The following UGT2B4 variants were observed in gnomAD, a reference collection of about 807,000 sequenced individuals.
The protein encoded by UGT2B4 is UDP-glucuronosyltransferase 2B4.
In UGT2B4, 49 loss-of-function variants were observed where a neutral mutation model predicts 49.8. The ratio of observed to expected loss-of-function variants is 0.98; its 90% confidence interval spans 0.78 to 1.25. UGT2B4 has a LOEUF of 1.25. UGT2B4 is among the 50% of genes most tolerant of loss of function. The pLI is 0.00. For missense variants in UGT2B4, 729 were observed against 627.7 expected, an observed-to-expected ratio of 1.16 and a Z score of -1.73; for synonymous variants, 246 against 217.7, an observed-to-expected ratio of 1.13 and a Z score of -1.14.
intron 1 of UGT2B4, among the ~76,000 whole-genome samples, chr4:69,515,907 T>A (rs1350457432): frequency 1.3e-5 from 2 of 152,292 alleles, no homozygotes; most frequent in Admixed American, 1.3e-4. Flanking sequence ...CAGGGAAACA[T>A]GTACCATAGT....
At chr4:69,489,646 A>G in intron 2 of UGT2B4, 76 bp from the exon 3 acceptor site, 1 of 1,534,820 alleles carries the variant, frequency 6.5e-7, no homozygotes, top group Non-Finnish European at 8.8e-7. Flanking sequence ...TGTTATAAAA[A>G]GAGAGAAAAT....
chr4:69,498,399 T>A (rs1222578499), upstream of UGT2B4, among the ~76,000 whole-genome samples: 1 of 152,096 alleles, frequency 6.6e-6, no homozygotes, highest in African/African-American at 2.4e-5. Context: ...ATACAGCACC[T>A]TCAGCTGAAA....
At chr4:69,502,290 A>G (rs939763903) in intron 1 of UGT2B4, among the ~76,000 whole-genome samples, 1 of 151,614 alleles carries the variant, frequency 6.6e-6, no homozygotes, top group Non-Finnish European at 1.5e-5. Flanking sequence ...ATAGGTAAAT[A>G]TGTGCCATGG....
intron 1 of UGT2B4, among the ~76,000 whole-genome samples, chr4:69,509,072 G>A (rs1173573195): frequency 6.6e-6 from 1 of 151,880 alleles, no homozygotes; most frequent in African/African-American, 2.4e-5. Context: ...GTGGAAGCAT[G>A]CAGTGTTTGC....
At chr4:69,481,369 G>T (rs1364633319) in intron 5 of UGT2B4, among the ~76,000 whole-genome samples, 2 of 152,190 alleles carry the variant, frequency 1.3e-5, no homozygotes, top group African/African-American at 4.8e-5. Flanking sequence ...AATTGACATA[G>T]AATGTGTGTA....
At chr4:69,493,978 AT>A in intron 1 of UGT2B4, 137 bp from the exon 2 acceptor site, 1 of 889,212 alleles carries the variant, frequency 1.1e-6, no homozygotes, top group Non-Finnish European at 1.6e-6. Flanking sequence ...ATATATTCGT[AT>A]ATAGGCATAA....
rs1553896661 is a variant in UGT2B4 at position 69,502,114 on chromosome 4, T to TTTCTTTCTTTC, written c.-105-6159_-105-6149dup. The stretch of plus-strand genomic sequence containing the variant: ...CTCTCTTTCTTTCTTTCTTTCTTTC[T>TTTCTTTCTTTC]TTCTTTCTTTCTTTCTTTCTTTCTT... On this transcript the variant is annotated intron_variant, in intron 1 of 1. Coordinates refer to the UGT2B4 transcript ENST00000510114. Among the ~76,000 whole-genome samples the TTTCTTTCTTTC allele has an allele frequency of 1.4e-4, 18 of 128,904 alleles. 1 individual carries two copies. The highest frequency in any genetic ancestry group is 2.2e-4 in the East Asian group (1 of 4,580). 84.6% of individuals were successfully genotyped at this position (128,904 alleles called of 152,430 possible).
At chr4:69,503,581 A>T (rs897904546) in intron 1 of UGT2B4, among the ~76,000 whole-genome samples, 2 of 152,170 alleles carry the variant, frequency 1.3e-5, no homozygotes, top group African/African-American at 2.4e-5. Context: ...TGACCCTGCC[A>T]GTCCCCCACC....
chr4:69,504,447 A>G (rs1487084835), intron 1 of UGT2B4, among the ~76,000 whole-genome samples: 2 of 152,332 alleles, frequency 1.3e-5, no homozygotes, highest in Non-Finnish European at 2.9e-5. Context: ...TGAATTTCAT[A>G]ATGAAATCAC....
intron 1 of UGT2B4, among the ~76,000 whole-genome samples, chr4:69,523,290 T>G (rs766115999): frequency 1.3e-5 from 2 of 151,936 alleles, no homozygotes; most frequent in African/African-American, 2.4e-5. Context: ...CAATTTAAGA[T>G]AGCAATATCC....
intron 3 of UGT2B4, among the ~76,000 whole-genome samples, chr4:69,489,152 C>A (rs985231948): frequency 6.6e-6 from 1 of 152,056 alleles, no homozygotes; most frequent in African/African-American, 2.4e-5. Flanking sequence ...GGTGATAGCT[C>A]TTACCTGACC....
At chr4:69,507,759 G>A (rs1728511815) in intron 1 of UGT2B4, among the ~76,000 whole-genome samples, 1 of 152,066 alleles carries the variant, frequency 6.6e-6, no homozygotes, top group Non-Finnish European at 1.5e-5. Context: ...AAAAACCCTG[G>A]AAGACAAACT....
intron 1 of UGT2B4, among the ~76,000 whole-genome samples, chr4:69,506,292 G>T (rs1364348730): frequency 6.6e-6 from 1 of 151,668 alleles, no homozygotes; most frequent in East Asian, 1.9e-4. Context: ...CAAGAATCTG[G>T]GTATTTTTTT....
At position 69,523,165 on chromosome 4, in the gene UGT2B4, T is replaced by C. The variant is rs1356084722; in HGVS notation, c.-106+2522A>G. ...AAATCAACTTCTTCAAAACTCCTTT[T>C]AATGTTATTTTAACCTGGTCTCATA... On this transcript the variant is annotated intron_variant, in intron 1 of 1. Coordinates refer to the UGT2B4 transcript ENST00000510114. 2.6e-5 allele frequency among the ~76,000 whole-genome samples: 4 copies of C among 152,310 alleles called. No individual in the cohort carries two copies. In the East Asian group the frequency reaches 7.7e-4, roughly 29 times the overall value.
chr4:69,490,555 T>C lies in UGT2B4; in HGVS notation c.871-985A>G, dbSNP rs188989692. On this transcript the variant is annotated intron_variant, in intron 2 of 5. Transcript: ENST00000305107. ...GGCTGGAATTTACTGGGAATCATTC[T>C]GACCTGTGTTCCCCAATGTACGCCA... Among the ~76,000 whole-genome samples the C allele has an allele frequency of 3.3e-3, 508 of 152,304 alleles. 3 individuals are homozygous for C. Among genetic ancestry groups the C allele is most frequent in the African/African-American group, 0.012 (488 of 41,584 alleles).
intron 1 of UGT2B4, among the ~76,000 whole-genome samples, chr4:69,516,641 C>T (rs188324830): frequency 6.6e-6 from 1 of 152,034 alleles, no homozygotes; most frequent in Non-Finnish European, 1.5e-5. Flanking sequence ...GGGTCTTGCT[C>T]TGTTGCCCAG....
intron 5 of UGT2B4, among the ~76,000 whole-genome samples, chr4:69,483,877 G>A (rs183875328): frequency 1.8e-4 from 28 of 152,156 alleles, no homozygotes; most frequent in African/African-American, 6.3e-4. Context: ...CACCAAGAAC[G>A]AGACGAAATA....
At chr4:69,492,620 C>T (rs1170247587) in intron 2 of UGT2B4, among the ~76,000 whole-genome samples, 1 of 152,022 alleles carries the variant, frequency 6.6e-6, no homozygotes, top group Admixed American at 6.6e-5. Context: ...AATAATATCT[C>T]AAGTGACTTA....
At chr4:69,507,354 T>C (rs988894901) in intron 1 of UGT2B4, among the ~76,000 whole-genome samples, 1 of 152,118 alleles carries the variant, frequency 6.6e-6, no homozygotes, top group Non-Finnish European at 1.5e-5. Context: ...CTTTTTAAGG[T>C]GATAATTTCA....
Sources: allele counts gnomAD v4.1 joint callset (sites outside exome capture counted in the v4.1 genomes callset), GRCh38; gene constraint gnomAD v4.1.1; transcripts MANE v1.5; gene names NCBI Gene and HGNC (gene_info 2026-07-23, HGNC 2026-07-21).